CERS6: variants seen among roughly 807,000 people sequenced by gnomAD.
CERS6 encodes LAG1 homolog, ceramide synthase 6.
A neutral mutation model predicts 56.8 loss-of-function variants in CERS6; 26 were observed. That is an observed-to-expected ratio of 0.46 (90% confidence interval 0.34 to 0.63). The LOEUF (loss-of-function observed/expected upper bound fraction) is 0.63, where lower values mean the gene tolerates loss of function less well. Among genes scored for constraint, CERS6 ranks in the 30% least tolerant of loss-of-function variants. The probability of loss-of-function intolerance (pLI) is 0.01; values close to 1 mark genes in which losing one functional copy is unlikely to be tolerated. For synonymous variants in CERS6, 164 were observed against 173.3 expected, an observed-to-expected ratio of 0.95 and a Z score of 0.42; for missense variants, 415 against 467.5, an observed-to-expected ratio of 0.89 and a Z score of 1.04.
intron 4 of CERS6, among the ~76,000 whole-genome samples, chr2:168,668,673 C>T (rs1010794637): frequency 1.8e-4 from 27 of 152,002 alleles, no homozygotes; most frequent in African/African-American, 6.0e-4. Context: ...AGGCTGGTCC[C>T]GAACTCCTGA....
At chr2:168,486,587 G>A (rs1023637090) in intron 1 of CERS6, among the ~76,000 whole-genome samples, 5 of 148,928 alleles carry the variant, frequency 3.4e-5, no homozygotes, top group Non-Finnish European at 4.5e-5. Flanking sequence ...AAAGACAATC[G>A]TTTTTCCACG....
chr2:168,639,177 G>C (rs1402949098), intron 4 of CERS6, among the ~76,000 whole-genome samples: 1 of 152,166 alleles, frequency 6.6e-6, no homozygotes, highest in African/African-American at 2.4e-5. Flanking sequence ...AAAAACATTG[G>C]TCTAATTTAT....
At chr2:168,706,706 A>C (rs1160005610) in intron 6 of CERS6, among the ~76,000 whole-genome samples, 3 of 152,246 alleles carry the variant, frequency 2.0e-5, no homozygotes, top group African/African-American at 7.2e-5. Context: ...ATCTCTTGAC[A>C]CATTTTTTGG....
chr2:168,631,591 T>A (rs1684730559), intron 4 of CERS6, among the ~76,000 whole-genome samples: 1 of 119,244 alleles, frequency 8.4e-6, no homozygotes, highest in Non-Finnish European at 1.6e-5. Flanking sequence ...ATTTAATATT[T>A]ATATATTAAA....
At position 168,524,524 on chromosome 2, in the gene CERS6, C is replaced by A. The variant is rs191071758; in HGVS notation, c.171-23072C>A. 1.6e-3 allele frequency among the ~76,000 whole-genome samples: 250 copies of A among 152,144 alleles called. 3 individuals carry two copies. Among genetic ancestry groups the A allele is most frequent in the African/African-American group, 5.9e-3 (243 of 41,508 alleles). ...TCAGATAGAGACGGAATTGAGACACCCAAGTCACCTTTCAAAAAGGGGCAT... is the reference window on the plus strand; with the variant it reads ...TCAGATAGAGACGGAATTGAGACACACAAGTCACCTTTCAAAAAGGGGCAT... On this transcript the variant is annotated intron_variant, in intron 1 of 9. Coordinates refer to ENST00000305747, the MANE Select transcript of CERS6 (RefSeq NM_203463.3).
At chr2:168,657,437 C>G (rs184091822) in intron 4 of CERS6, among the ~76,000 whole-genome samples, 3 of 152,250 alleles carry the variant, frequency 2.0e-5, no homozygotes, top group Non-Finnish European at 4.4e-5. Context: ...GCCATGCGCT[C>G]GCATTCCTCA....
chr2:168,667,215 A>C (rs1685784637), intron 4 of CERS6, among the ~76,000 whole-genome samples: 1 of 152,206 alleles, frequency 6.6e-6, no homozygotes. Flanking sequence ...ACATTTAGAA[A>C]ACCTTTAAGC....
At chr2:168,757,933 T>C (rs1684462791) in intron 8 of CERS6, among the ~76,000 whole-genome samples, 1 of 152,182 alleles carries the variant, frequency 6.6e-6, no homozygotes, top group Admixed American at 6.5e-5. Context: ...AGCCTTGTAA[T>C]AGCCTTGATG....
chr2:168,675,306 C>A (rs1290039492), intron 4 of CERS6, among the ~76,000 whole-genome samples: 1 of 151,730 alleles, frequency 6.6e-6, no homozygotes. Context: ...AACAATAGGC[C>A]GGGCATAGTG....
rs1361203666 is a variant in CERS6 at position 168,715,259 on chromosome 2, A to G, written c.738+130A>G. On this transcript the variant is annotated intron_variant, in intron 7 of 9. Coordinates refer to ENST00000305747, the MANE Select transcript of CERS6 (RefSeq NM_203463.3). ...GTAAATAACTACATTGAAACTGCAG[A>G]GTGTTTCTTTGTAGGTTAAGCTGGT... 4.7e-6 allele frequency: 3 copies of G among 636,560 alleles called. No individual in the cohort carries two copies. The African/African-American group carries it at 5.7e-5, about 12-fold the overall frequency. 39.4% of individuals were successfully genotyped at this position (636,560 alleles called of 1,614,324 possible). A position where few individuals can be genotyped will look rare whatever the true frequency, so the allele number is the denominator to read the frequency against.
At chr2:168,655,046 A>G (rs1685435028) in intron 4 of CERS6, among the ~76,000 whole-genome samples, 1 of 152,252 alleles carries the variant, frequency 6.6e-6, no homozygotes, top group African/African-American at 2.4e-5. Flanking sequence ...GCAAGAAAAC[A>G]AATAGCCTGA....
rs1214497511 is a variant in CERS6, at chr2:168,774,240, G to A, written c.*4578G>A. 6.6e-6 allele frequency: 1 copy of A among 152,126 alleles called. No homozygotes were observed. Among genetic ancestry groups the A allele is most frequent in the African/African-American group, 2.4e-5 (1 of 41,400 alleles). The allele number at this position is 152,126 out of a possible 1,614,324, so 9.4% of individuals were successfully genotyped here. On this transcript the variant is annotated 3_prime_UTR_variant, in exon 10 of 10. Transcript: ENST00000305747. ...AGATTGCCCAGAAAGGGATGTGAGG[G>A]GACCGTTAAGATCTGTCTTGCTTAT...
chr2:168,699,319 G>A (rs1265222627), intron 6 of CERS6, among the ~76,000 whole-genome samples: 1 of 152,172 alleles, frequency 6.6e-6, no homozygotes, highest in Non-Finnish European at 1.5e-5. Context: ...GACACCCATT[G>A]GCAATACAGT....
At chr2:168,695,436 A>G (rs967679986) in intron 6 of CERS6, among the ~76,000 whole-genome samples, 1 of 152,116 alleles carries the variant, frequency 6.6e-6, no homozygotes, top group African/African-American at 2.4e-5. Flanking sequence ...TTAATTCCCC[A>G]ATTGCAGGGT....
intron 3 of CERS6, among the ~76,000 whole-genome samples, chr2:168,629,342 C>G (rs1574111627): frequency 6.6e-6 from 1 of 151,988 alleles, no homozygotes. Context: ...CATTTGCCTC[C>G]AGGGGCCAGA....
intron 1 of CERS6, among the ~76,000 whole-genome samples, chr2:168,546,682 G>A (rs1026901557): frequency 2.0e-5 from 3 of 152,076 alleles, no homozygotes; most frequent in African/African-American, 7.2e-5. Flanking sequence ...ATTAATTTGG[G>A]TAATACTTTC....
intron 4 of CERS6, among the ~76,000 whole-genome samples, chr2:168,678,643 G>A (rs62174389): frequency 1.3e-5 from 2 of 152,258 alleles, no homozygotes; most frequent in Middle Eastern, 3.4e-3. Context: ...GGGGTTGGGA[G>A]CCTTGAGGAG....
chr2:168,489,726 A>G (rs1014784360), intron 1 of CERS6, among the ~76,000 whole-genome samples: 4 of 151,970 alleles, frequency 2.6e-5, no homozygotes, highest in Admixed American at 2.6e-4. Flanking sequence ...TTGTTTTTCT[A>G]GTTTTAATTT....
At chr2:168,596,788 T>TC (rs377577043) in intron 3 of CERS6, among the ~76,000 whole-genome samples, 8 of 152,054 alleles carry the variant, frequency 5.3e-5, no homozygotes, top group African/African-American at 1.9e-4. Flanking sequence ...ACGCTTGGCG[T>TC]CCCAAAGTGC....
Sources: gnomAD v4.1 joint callset for allele counts (sites outside exome capture counted in the v4.1 genomes callset) on GRCh38, gnomAD v4.1.1 for gene constraint, MANE v1.5 for transcripts, NCBI Gene and HGNC (gene_info 2026-07-23, HGNC 2026-07-21) for gene names.